KAT14: variants seen among roughly 807,000 people sequenced by gnomAD.
KAT14 encodes cysteine-rich protein 2-binding protein.
KAT14 carries 66 observed loss-of-function variants against 78.4 expected under a neutral mutation model. The observed-to-expected ratio is 0.84, with a 90% CI of 0.69 to 1.03. The LOEUF is 1.03. Ranked by LOEUF, KAT14 falls within the 50% of genes least tolerant of loss-of-function variation. The pLI is 0.00. For synonymous variants in KAT14, 344 were observed against 359.4 expected, an observed-to-expected ratio of 0.96 and a Z score of 0.48; for missense variants, 870 against 972.5, an observed-to-expected ratio of 0.89 and a Z score of 1.40.
chr20:18,187,200 G>A lies in KAT14; in HGVS notation c.2173-86G>A, dbSNP rs1171859391. 12 of 1,488,080 alleles carry A rather than the reference G, an allele frequency of 8.1e-6. No individual in the cohort carries two copies. In the Admixed American group the frequency reaches 3.0e-4, roughly 37 times the overall value. 92.2% of individuals were successfully genotyped at this position (1,488,080 alleles called of 1,614,324 possible). A position where few individuals can be genotyped will look rare whatever the true frequency, so the allele number is the denominator to read the frequency against. ...ATTTCTCCGGTTTCCATAACTAACT[G>A]CCTACACTTAAAAGCGTTTCTTTAC... On this transcript the variant is annotated intron_variant, in intron 10 of 10. Coordinates refer to ENST00000688188, the MANE Select transcript of KAT14 (RefSeq NM_001392073.1).
chr20:18,185,390 C>G (rs2039420043), intron 10 of KAT14, among the ~76,000 whole-genome samples: 1 of 152,088 alleles, frequency 6.6e-6, no homozygotes, highest in Non-Finnish European at 1.5e-5. Context: ...TTTGTAGGGA[C>G]AGGGTCTCAC....
intron 4 of KAT14, among the ~76,000 whole-genome samples, chr20:18,151,926 C>T (rs2038059805): frequency 6.6e-6 from 1 of 150,776 alleles, no homozygotes; most frequent in African/African-American, 2.4e-5. Context: ...TTGCTTGAAC[C>T]CAGGAGGTGG....
At chr20:18,172,651 G>T (rs538729468) in intron 7 of KAT14, among the ~76,000 whole-genome samples, 1 of 152,146 alleles carries the variant, frequency 6.6e-6, no homozygotes, top group South Asian at 2.1e-4. Flanking sequence ...GCAGTGGTCT[G>T]GCACTGATCC....
intron 3 of KAT14, among the ~76,000 whole-genome samples, chr20:18,145,575 CTT>C (rs796585851): frequency 8.1e-4 from 124 of 152,196 alleles, no homozygotes; most frequent in African/African-American, 3.0e-3. Context: ...GAGGTCAGGA[CTT>C]CGAGACCAGC....
chr20:18,145,858 A>C (rs187381438), intron 3 of KAT14, among the ~76,000 whole-genome samples: 58 of 152,264 alleles, frequency 3.8e-4, no homozygotes, highest in Non-Finnish European at 1.3e-4. Flanking sequence ...TTTCTTTTAT[A>C]TGTGATACCA....
intron 1 of KAT14, chr20:18,138,603 G>A: frequency 2.8e-5 from 9 of 316,690 alleles, no homozygotes; most frequent in Non-Finnish European, 4.1e-5. Flanking sequence ...CTTTGACCAA[G>A]ATAATTTGGT....
At chr20:18,147,879 C>T (rs796928075) in intron 3 of KAT14, among the ~76,000 whole-genome samples, 4 of 152,358 alleles carry the variant, frequency 2.6e-5, no homozygotes, top group African/African-American at 9.6e-5. Context: ...AGCCACCGTG[C>T]CCGGCCACTT....
At chr20:18,164,282 TCCCACC>T in intron 7 of KAT14, among the ~76,000 whole-genome samples, 1 of 152,320 alleles carries the variant, frequency 6.6e-6, no homozygotes, top group East Asian at 1.9e-4. Flanking sequence ...AGTACAGTAC[TCCCACC>T]CTTGGCTTCC....
Position 18,187,462 on chromosome 20 carries a change from C to T in KAT14, c.*3C>T, listed in dbSNP as rs757762141. The T allele has an allele frequency of 9.9e-6, 16 of 1,613,478 alleles. No homozygotes were observed. The highest frequency in any genetic ancestry group is 2.7e-5 in the African/African-American group (2 of 74,894). On this transcript the variant is annotated 3_prime_UTR_variant, in exon 11 of 11. Transcript: ENST00000688188. ...TCTTTCTGAGGCTCCGGCGCTGATG[C>T]GAATACAGCTCACAGAGAAACGCAT...
chr20:18,156,731 G>A (rs967485516), intron 4 of KAT14, among the ~76,000 whole-genome samples: 8 of 152,184 alleles, frequency 5.3e-5, no homozygotes, highest in African/African-American at 1.4e-4. Flanking sequence ...TGTAGATGAC[G>A]TTCTCCCTGT....
chr20:18,139,676 T>TGTGTGTG (rs1568660990), intron 1 of KAT14, among the ~76,000 whole-genome samples: 1 of 77,650 alleles, frequency 1.3e-5, no homozygotes, highest in Non-Finnish European at 3.2e-5. Flanking sequence ...GTGTGTGTGT[T>TGTGTGTG]TATTTTTTTT....
intron 7 of KAT14, among the ~76,000 whole-genome samples, chr20:18,176,300 CAAAAAA>C (rs11484238): frequency 3.6e-5 from 4 of 111,648 alleles, no homozygotes; most frequent in Non-Finnish European, 7.1e-5. Context: ...GACTTCGTCT[CAAAAAA>C]AAAAAAAAAA....
At chr20:18,159,387 T>C in intron 5 of KAT14, 122 bp downstream of exon 5, 3 of 1,115,246 alleles carry the variant, frequency 2.7e-6, no homozygotes, top group Non-Finnish European at 2.5e-6. Flanking sequence ...CTACTCTGTT[T>C]AACACTTCTG....
intron 1 of KAT14, among the ~76,000 whole-genome samples, chr20:18,141,263 C>A (rs2037565084): frequency 6.6e-6 from 1 of 151,930 alleles, no homozygotes; most frequent in East Asian, 1.9e-4. Flanking sequence ...TTAAAAGTCT[C>A]TTCTTGGGTG....
intron 7 of KAT14, among the ~76,000 whole-genome samples, chr20:18,174,013 TG>T (rs1744409907): frequency 6.6e-6 from 1 of 152,210 alleles, no homozygotes; most frequent in Admixed American, 6.5e-5. Context: ...GCCCATGAAT[TG>T]ACTTTCTGCC....
chr20:18,149,972 A>G (rs2037974989), intron 3 of KAT14, among the ~76,000 whole-genome samples: 1 of 152,124 alleles, frequency 6.6e-6, no homozygotes, highest in Non-Finnish European at 1.5e-5. Flanking sequence ...ACAAACAAAT[A>G]CAAAAAAACA....
intron 4 of KAT14, among the ~76,000 whole-genome samples, chr20:18,152,374 C>G (rs2038080363): frequency 6.6e-6 from 1 of 152,082 alleles, no homozygotes; most frequent in Non-Finnish European, 1.5e-5. Flanking sequence ...GTCTGGAGTT[C>G]GAGACCAGCC....
intron 3 of KAT14, among the ~76,000 whole-genome samples, chr20:18,146,937 CT>C (rs2037850995): frequency 6.6e-6 from 1 of 152,120 alleles, no homozygotes; most frequent in Non-Finnish European, 1.5e-5. Flanking sequence ...AGGTGCTGTT[CT>C]AGGCCTGAGA....
intron 4 of KAT14, 72 bp from the exon 5 acceptor site, chr20:18,159,012 A>G: frequency 2.0e-6 from 3 of 1,508,302 alleles, no homozygotes; most frequent in Non-Finnish European, 2.7e-6. Context: ...CAGGAGTCAC[A>G]GTATACACAG....
Sources: gnomAD v4.1 joint callset for allele counts (sites outside exome capture counted in the v4.1 genomes callset) on GRCh38, gnomAD v4.1.1 for gene constraint, MANE v1.5 for transcripts, NCBI Gene and HGNC (gene_info 2026-07-23, HGNC 2026-07-21) for gene names.